NAV1: variants seen among roughly 807,000 people sequenced by gnomAD.
NAV1 encodes pore membrane and/or filament interacting like protein 3.
NAV1 carries 18 observed loss-of-function variants against 175.2 expected under a neutral mutation model. The ratio of observed to expected loss-of-function variants is 0.10; its 90% CI spans 0.07 to 0.15. The LOEUF is 0.15. Ranked by LOEUF, NAV1 falls within the 10% of genes least tolerant of loss-of-function variation. The probability of loss-of-function intolerance (pLI) is 1.00; values close to 1 mark genes in which losing one functional copy is unlikely to be tolerated. For synonymous variants in NAV1, 897 were observed against 978.7 expected (o/e 0.92, Z 1.56); for missense variants, 1,731 against 2,436.6 (o/e 0.71, Z 6.10).
intron 1 of NAV1, among the ~76,000 whole-genome samples, chr1:201,544,094 A>G (rs12740361): frequency 0.42 from 63,757 of 152,088 alleles, 15,150 homozygotes; most frequent in Non-Finnish European, 0.56. Context: ...TAGCTCAGGG[A>G]TTCTCCATCT....
At chr1:201,796,250 G>A (rs1434731401) in intron 15 of NAV1, 2 of 152,198 alleles carry the variant, frequency 1.3e-5, no homozygotes, top group Non-Finnish European at 2.9e-5. Flanking sequence ...GAATTGGCAA[G>A]CTGTTTTCCA....
chr1:201,817,432 AT>A, intron 29 of NAV1, 147 bp downstream of exon 33: 1 of 660,944 alleles, frequency 1.5e-6, no homozygotes, highest in Non-Finnish European at 2.5e-6. Flanking sequence ...GGGCAACATA[AT>A]GAGACCCTGT....
chr1:201,695,162 C>G (rs1217211624), intron 1 of NAV1, among the ~76,000 whole-genome samples: 1 of 152,232 alleles, frequency 6.6e-6, no homozygotes, highest in African/African-American at 2.4e-5. Context: ...TCTTGGCCCC[C>G]CTGGATGGGC....
chr1:201,735,652 C>T (rs1164899746), intron 3 of NAV1, among the ~76,000 whole-genome samples: 1 of 152,216 alleles, frequency 6.6e-6, no homozygotes, highest in East Asian at 1.9e-4. Flanking sequence ...TGTTAATGTT[C>T]TAAAGCAAGT....
At chr1:201,590,031 T>C (rs1184572935) in intron 2 of NAV1, among the ~76,000 whole-genome samples, 1 of 152,176 alleles carries the variant, frequency 6.6e-6, no homozygotes, top group Admixed American at 6.5e-5. Flanking sequence ...TGGCTGGGAT[T>C]ACAGGTGCGC....
intron 1 of NAV1, among the ~76,000 whole-genome samples, chr1:201,695,577 A>C (rs1671156166): frequency 6.6e-6 from 1 of 152,226 alleles, no homozygotes; most frequent in African/African-American, 2.4e-5. Flanking sequence ...TCTCTAAGGC[A>C]TGTTTGTTTC....
intron 3 of NAV1, among the ~76,000 whole-genome samples, chr1:201,775,949 C>T (rs900442603): frequency 5.3e-5 from 8 of 151,620 alleles, no homozygotes; most frequent in Non-Finnish European, 1.0e-4. Context: ...CCCAGCTACT[C>T]GGGAAACTGA....
At chr1:201,811,483 C>G in intron 24 of NAV1, 120 bp from the exon 29 acceptor site, 2 of 1,216,558 alleles carry the variant, frequency 1.6e-6, no homozygotes, top group South Asian at 2.8e-5. Flanking sequence ...ATCAAATTTG[C>G]AAGGAACTAA....
chr1:201,622,646 A>G (rs1668206601), upstream of NAV1, among the ~76,000 whole-genome samples: 1 of 152,134 alleles, frequency 6.6e-6, no homozygotes, highest in African/African-American at 2.4e-5. Context: ...TGAGCCTCAT[A>G]ACAGCTTTTC....
At chr1:201,648,954 T>A (rs745507525) in exon 1 of NAV1, 48 of 1,612,874 alleles carry the variant, frequency 3.0e-5, no homozygotes, top group Non-Finnish European at 4.1e-5. Flanking sequence ...CAACCTCTCT[T>A]TTCTCACGGA....
intron 1 of NAV1, chr1:201,688,162 C>T (rs1361460506): frequency 1.3e-5 from 2 of 152,186 alleles, no homozygotes; most frequent in Non-Finnish European, 2.9e-5. Context: ...GCAGGGGTGC[C>T]GTCAACTGTT....
At chr1:201,570,472 C>A (rs781446821) in intron 1 of NAV1, among the ~76,000 whole-genome samples, 1 of 152,246 alleles carries the variant, frequency 6.6e-6, no homozygotes, top group African/African-American at 2.4e-5. Flanking sequence ...AGCAAGCAGG[C>A]CTGCCCTGGG....
At chr1:201,797,190 T>C (rs1261715391) in intron 15 of NAV1, 3 of 152,234 alleles carry the variant, frequency 2.0e-5, no homozygotes, top group Admixed American at 1.3e-4. Flanking sequence ...CTTCATTCTT[T>C]TACATGAGAA....
intron 1 of NAV1, among the ~76,000 whole-genome samples, chr1:201,583,772 G>T (rs1666938991): frequency 1.3e-5 from 2 of 152,178 alleles, no homozygotes; most frequent in South Asian, 4.1e-4. Context: ...GGCCAATAGT[G>T]CTTCCACTGG....
At chr1:201,662,361 T>C (rs1669645935) in intron 1 of NAV1, among the ~76,000 whole-genome samples, 1 of 152,264 alleles carries the variant, frequency 6.6e-6, no homozygotes, top group African/African-American at 2.4e-5. Context: ...TAATTCTGCA[T>C]TCTGCACACC....
At chr1:201,684,364 G>T (rs1670586870) in intron 1 of NAV1, among the ~76,000 whole-genome samples, 1 of 151,744 alleles carries the variant, frequency 6.6e-6, no homozygotes, top group Non-Finnish European at 1.5e-5. Context: ...CCATATATAT[G>T]TGATATATAT....
chr1:201,625,101 C>T (rs74136652), intron 1 of NAV1, among the ~76,000 whole-genome samples: 8,356 of 152,206 alleles, frequency 0.055, 753 homozygotes, highest in African/African-American at 0.19. Flanking sequence ...GTGAACACCA[C>T]GTTTTAAAAG....
At chr1:201,682,280 C>T (rs1162193967) in intron 1 of NAV1, among the ~76,000 whole-genome samples, 5 of 151,770 alleles carry the variant, frequency 3.3e-5, no homozygotes, top group African/African-American at 4.8e-5. Context: ...AGCAAGACTC[C>T]ATCTCAAAAA....
chr1:201,636,156 G>A (rs1304488480), intron 2 of NAV1, among the ~76,000 whole-genome samples: 5 of 152,188 alleles, frequency 3.3e-5, no homozygotes, highest in Non-Finnish European at 7.3e-5. Flanking sequence ...TTGTCTCCCT[G>A]GGAAGGCCCA....
Sources: gnomAD v4.1 joint callset for allele counts (sites outside exome capture counted in the v4.1 genomes callset) on GRCh38, gnomAD v4.1.1 for gene constraint, MANE v1.5 for transcripts, NCBI Gene and HGNC (gene_info 2026-07-23, HGNC 2026-07-21) for gene names.